RBFOX1: variants seen among roughly 807,000 people sequenced by gnomAD.
RBFOX1 encodes the protein RNA binding protein fox-1 homolog 1.
Under a neutral mutation model 57.7 loss-of-function variants are expected in RBFOX1, and 8 were observed. The observed-to-expected ratio is 0.14, with a 90% confidence interval of 0.08 to 0.25. The LOEUF is 0.25. RBFOX1 is among the 10% of genes least tolerant of loss of function. RBFOX1 has a pLI of 1.00. For synonymous variants in RBFOX1, 326 were observed against 222.4 expected (o/e 1.47, Z -4.15); for missense variants, 611 against 548.5 (o/e 1.11, Z -1.14).
At chr16:6,820,262 T>C (rs932691230) in intron 3 of RBFOX1, among the ~76,000 whole-genome samples, 4 of 152,198 alleles carry the variant, frequency 2.6e-5, no homozygotes, top group Admixed American at 1.3e-4. Flanking sequence ...TTATAAATTG[T>C]CCAGTCTCAG....
chr16:6,778,652 G>T (rs1652890985), intron 3 of RBFOX1, among the ~76,000 whole-genome samples: 3 of 152,020 alleles, frequency 2.0e-5, no homozygotes, highest in Admixed American at 2.0e-4. Context: ...AGTCTATAAA[G>T]AGTAAAGAAC....
At chr16:5,758,068 G>A (rs1462505266) in intron 3 of RBFOX1, among the ~76,000 whole-genome samples, 2 of 152,186 alleles carry the variant, frequency 1.3e-5, no homozygotes, top group East Asian at 1.9e-4. Flanking sequence ...CGGGACCCAA[G>A]TTGGGTGATA....
chr16:6,047,041 A>T (rs17139233), intron 1 of RBFOX1, among the ~76,000 whole-genome samples: 3 of 152,058 alleles, frequency 2.0e-5, no homozygotes, highest in Non-Finnish European at 2.9e-5. Context: ...TGCTGCTGCC[A>T]TGGAGCTGAA....
chr16:5,706,764 C>T (rs2051263876), intron 3 of RBFOX1, among the ~76,000 whole-genome samples: 3 of 151,928 alleles, frequency 2.0e-5, no homozygotes, highest in African/African-American at 7.3e-5. Flanking sequence ...TCTCCGGGGG[C>T]ACCCCTATGA....
At chr16:6,389,568 G>T (rs2092486312) in intron 2 of RBFOX1, among the ~76,000 whole-genome samples, 1 of 152,074 alleles carries the variant, frequency 6.6e-6, no homozygotes. Context: ...GCTGTTCTAG[G>T]AACCTGTGAT....
chr16:7,026,965 C>T (rs2041145547), intron 3 of RBFOX1, among the ~76,000 whole-genome samples: 2 of 152,206 alleles, frequency 1.3e-5, no homozygotes, highest in East Asian at 1.9e-4. Context: ...GGTGCTTTGC[C>T]CTCTCTGAAG....
intron 2 of RBFOX1, among the ~76,000 whole-genome samples, chr16:6,525,001 T>G (rs887977985): frequency 6.6e-6 from 1 of 152,186 alleles, no homozygotes; most frequent in Non-Finnish European, 1.5e-5. Flanking sequence ...AACATAAATT[T>G]TCAGAGGACA....
chr16:6,517,156 T>A (rs568193357), intron 2 of RBFOX1, among the ~76,000 whole-genome samples: 26 of 152,256 alleles, frequency 1.7e-4, no homozygotes, highest in African/African-American at 6.3e-4. Flanking sequence ...ACATGCTGGT[T>A]CCTAATTTAG....
chr16:6,885,884 C>G (rs1033482546), intron 3 of RBFOX1, among the ~76,000 whole-genome samples: 4 of 152,080 alleles, frequency 2.6e-5, no homozygotes, highest in Admixed American at 1.3e-4. Flanking sequence ...ACTGTTTACT[C>G]AATGCAGCAT....
chr16:5,642,937 C>T lies in RBFOX1; in HGVS notation c.318+43976C>T, dbSNP rs554699820. Among the ~76,000 whole-genome samples the T allele has an allele frequency of 1.1e-4, 16 of 152,298 alleles. No homozygotes were observed. The South Asian group carries it at 3.1e-3, about 30-fold the overall frequency. The stretch of plus-strand genomic sequence containing the variant: ...TCACCTGTCAATGCCCGCTCACCCA[C>T]CTGGTATTCCTTTTGAGTTCCTCCA... On this transcript the variant is annotated intron_variant, in intron 3 of 19. Transcript: ENST00000641259.
At position 5,365,843 on chromosome 16, in the gene RBFOX1, C is replaced by T. The variant is rs1596679011; in HGVS notation, c.220-101373C>T. ...ACATGAGCCCCCTGAGGCCCCAGAA[C>T]TGTCTTTTCGGGTGTGAACTCAAGG... On this transcript the variant is annotated intron_variant, in intron 1 of 2. Coordinates refer to the RBFOX1 transcript ENST00000585867. The T allele has an allele frequency of 7.7e-6, 4 of 517,294 alleles. 1 individual carries two copies. Among genetic ancestry groups the T allele is most frequent in the South Asian group, 5.6e-5 (4 of 71,158 alleles). 32.0% of individuals were successfully genotyped at this position (517,294 alleles called of 1,614,324 possible).
chr16:7,644,098 CT>C (rs1741604518), intron 11 of RBFOX1, among the ~76,000 whole-genome samples: 1 of 152,146 alleles, frequency 6.6e-6, no homozygotes, highest in Admixed American at 6.5e-5. Flanking sequence ...AAGTAGAAAG[CT>C]TTTCCCGGAG....
At chr16:6,128,709 A>C (rs1378277747) in intron 1 of RBFOX1, among the ~76,000 whole-genome samples, 1 of 152,196 alleles carries the variant, frequency 6.6e-6, no homozygotes, top group Non-Finnish European at 1.5e-5. Context: ...TTGGCTGACT[A>C]TCCATGTCCA....
At chr16:7,095,336 C>G (rs1392675717) in intron 4 of RBFOX1, among the ~76,000 whole-genome samples, 2 of 152,104 alleles carry the variant, frequency 1.3e-5, no homozygotes, top group Admixed American at 6.5e-5. Context: ...CTGGGTTTCA[C>G]TATATTGGCC....
intron 2 of RBFOX1, chr16:6,483,138 G>A (rs991423212): frequency 4.7e-6 from 5 of 1,056,404 alleles, no homozygotes; most frequent in East Asian, 1.7e-4. Context: ...TCCCCCAGCT[G>A]CAAGAGTTTG....
At chr16:7,679,520 A>G (rs990525937) in intron 14 of RBFOX1, among the ~76,000 whole-genome samples, 4 of 152,222 alleles carry the variant, frequency 2.6e-5, no homozygotes, top group African/African-American at 9.6e-5. Context: ...AGAAACAGCA[A>G]CAAACTTTCC....
chr16:6,991,136 CAAAAA>C (rs35889519), intron 3 of RBFOX1, among the ~76,000 whole-genome samples: 270 of 53,064 alleles, frequency 5.1e-3, no homozygotes, highest in Non-Finnish European at 8.4e-3. Flanking sequence ...ATTGTCTCTC[CAAAAA>C]AAAAAAAAAA....
chr16:5,684,349 C>T (rs1230797897), intron 3 of RBFOX1, among the ~76,000 whole-genome samples: 1 of 152,148 alleles, frequency 6.6e-6, no homozygotes, highest in Non-Finnish European at 1.5e-5. Context: ...ACTAATACAG[C>T]TGTGGAATTC....
chr16:7,260,383 AAATG>A (rs1286164137), intron 4 of RBFOX1, among the ~76,000 whole-genome samples: 6 of 152,228 alleles, frequency 3.9e-5, no homozygotes, highest in Admixed American at 2.0e-4. Context: ...TTAAGCAAGA[AAATG>A]AAAGAAAGAA....
Sources: allele counts gnomAD v4.1 joint callset (sites outside exome capture counted in the v4.1 genomes callset), GRCh38; gene constraint gnomAD v4.1.1; transcripts MANE v1.5; gene names NCBI Gene and HGNC (gene_info 2026-07-23, HGNC 2026-07-21).